The following FMN1 variants were observed in gnomAD, a reference collection of about 807,000 sequenced individuals.
FMN1 encodes formin 1.
A neutral mutation model predicts 132.4 loss-of-function variants in FMN1; 110 were observed. The observed-to-expected ratio is 0.83, with a 90% CI of 0.71 to 0.97. FMN1 has a LOEUF of 0.97. Ranked by LOEUF, FMN1 falls within the 50% of genes least tolerant of loss-of-function variation. FMN1 has a pLI of 0.00. For missense variants in FMN1, 1,792 were observed against 1,705.3 expected, an observed-to-expected ratio of 1.05 and a Z score of -0.90; for synonymous variants, 722 against 651.7, an observed-to-expected ratio of 1.11 and a Z score of -1.64.
chr15:33,034,316 G>A (rs552330805), intron 6 of FMN1, among the ~76,000 whole-genome samples: 3 of 152,164 alleles, frequency 2.0e-5, no homozygotes, highest in African/African-American at 7.2e-5. Context: ...ATACCCTGAC[G>A]TCCCAGCACT....
chr15:32,906,199 C>G (rs1013410280), intron 12 of FMN1, among the ~76,000 whole-genome samples: 16 of 152,158 alleles, frequency 1.1e-4, no homozygotes, highest in African/African-American at 3.4e-4. Context: ...TAGCTTAGAA[C>G]AAGGGCTGCT....
Position 32,865,853 on chromosome 15 carries a change from A to T in FMN1, c.3836-8746T>A, listed in dbSNP as rs200032537. On this transcript the variant is annotated intron_variant, in intron 16 of 20. Coordinates refer to ENST00000616417, the MANE Select transcript of FMN1 (RefSeq NM_001277313.2). ...CTCCACCTCAAAAAAAAAAAAAAAA[A>T]TAAAATAAAATAAAATACCTACTAA... Among the ~76,000 whole-genome samples the T allele has an allele frequency of 5.7e-3, 828 of 146,220 alleles. 17 individuals carry two copies. Among genetic ancestry groups the T allele is most frequent in the African/African-American group, 0.018 (716 of 39,294 alleles).
At chr15:32,780,764 C>T (rs1458352961) in intron 19 of FMN1, among the ~76,000 whole-genome samples, 2 of 152,054 alleles carry the variant, frequency 1.3e-5, no homozygotes, top group Admixed American at 6.6e-5. Context: ...TTTGGGTAAC[C>T]GGTGGGGTCC....
chr15:32,871,515 T>C (rs932011777), intron 16 of FMN1, among the ~76,000 whole-genome samples: 1 of 152,218 alleles, frequency 6.6e-6, no homozygotes, highest in South Asian at 2.1e-4. Flanking sequence ...TGTAGTTGGA[T>C]AGTGAAATCC....
At chr15:32,865,836 CAAAAAA>C (rs59592154) in intron 16 of FMN1, among the ~76,000 whole-genome samples, 1 of 107,140 alleles carries the variant, frequency 9.3e-6, no homozygotes, top group African/African-American at 3.0e-5. Flanking sequence ...AACTCCACCT[CAAAAAA>C]AAAAAAAAAA....
At position 33,067,158 on chromosome 15, in the gene FMN1, G is replaced by C. The variant is rs1310585898; in HGVS notation, c.2044-2084C>G. The C allele has an allele frequency of 4.3e-6, 7 of 1,613,932 alleles. No individual in the cohort carries two copies. In the South Asian group the frequency reaches 7.7e-5, roughly 18 times the overall value. On this transcript the variant is annotated intron_variant, in intron 5 of 20. Transcript: ENST00000616417. ...GAATTCTGGTTTGTTACTGCAGGTA[G>C]GTCTTGGGACCCTTCTTCTCCCACC...
intron 4 of FMN1, among the ~76,000 whole-genome samples, chr15:33,148,672 CCACG>C (rs141501578): frequency 0.042 from 6,344 of 152,232 alleles, 444 homozygotes; most frequent in African/African-American, 0.15. Flanking sequence ...GCTCCAGTGA[CCACG>C]CACGCCTTCC....
chr15:33,058,406 T>C (rs1264517842), intron 6 of FMN1, among the ~76,000 whole-genome samples: 2 of 152,192 alleles, frequency 1.3e-5, no homozygotes, highest in African/African-American at 2.4e-5. Context: ...AAATAACAAC[T>C]GTTAAAATAA....
intron 9 of FMN1, among the ~76,000 whole-genome samples, chr15:32,957,298 CTTTTTTTTTTT>C (rs869111673): frequency 1.1e-4 from 9 of 84,178 alleles, no homozygotes; most frequent in Non-Finnish European, 1.6e-4. Flanking sequence ...CAGAGCAGTT[CTTTTTTTTTTT>C]TTTTTTTTTT....
chr15:33,048,747 G>C (rs533769821), intron 6 of FMN1, among the ~76,000 whole-genome samples: 3 of 151,880 alleles, frequency 2.0e-5, no homozygotes, highest in African/African-American at 7.3e-5. Flanking sequence ...CATGGATGGC[G>C]GCAGGCAAAG....
chr15:33,132,003 C>G (rs1221579483), intron 4 of FMN1, among the ~76,000 whole-genome samples: 1 of 152,084 alleles, frequency 6.6e-6, no homozygotes, highest in Middle Eastern at 3.2e-3. Context: ...CCAGGAAGTG[C>G]CCCGAAATGA....
intron 7 of FMN1, among the ~76,000 whole-genome samples, chr15:32,969,798 A>G (rs2031626889): frequency 1.3e-5 from 2 of 152,302 alleles, no homozygotes; most frequent in South Asian, 4.1e-4. Flanking sequence ...AACTTTTAAT[A>G]AAGTTTTGGA....
At chr15:32,802,357 C>T (rs1201057559) in intron 18 of FMN1, among the ~76,000 whole-genome samples, 1 of 152,232 alleles carries the variant, frequency 6.6e-6, no homozygotes, top group Non-Finnish European at 1.5e-5. Context: ...TATTGTCTTA[C>T]ATGCATGCCT....
intron 3 of FMN1, among the ~76,000 whole-genome samples, chr15:33,161,149 C>T (rs1033718988): frequency 2.0e-5 from 3 of 152,236 alleles, no homozygotes; most frequent in Admixed American, 1.3e-4. Context: ...GAGCCCAACA[C>T]GGCTAAGACA....
chr15:32,835,538 C>CA (rs1486681177), intron 17 of FMN1, among the ~76,000 whole-genome samples: 1 of 152,108 alleles, frequency 6.6e-6, no homozygotes, highest in South Asian at 2.1e-4. Flanking sequence ...GTTGCAACCT[C>CA]AAAAACTTGG....
At chr15:33,192,158 G>T (rs990469883) in intron 2 of FMN1, among the ~76,000 whole-genome samples, 1 of 152,196 alleles carries the variant, frequency 6.6e-6, no homozygotes, top group African/African-American at 2.4e-5. Flanking sequence ...ACCACAGCTT[G>T]GGATGGTGTG....
intron 6 of FMN1, among the ~76,000 whole-genome samples, chr15:33,030,584 A>G (rs2035889946): frequency 6.6e-6 from 1 of 152,202 alleles, no homozygotes; most frequent in South Asian, 2.1e-4. Flanking sequence ...ACTAAAATAG[A>G]ATTTTATATT....
chr15:32,868,410 T>C (rs994432624), intron 16 of FMN1, among the ~76,000 whole-genome samples: 4 of 152,218 alleles, frequency 2.6e-5, no homozygotes, highest in Non-Finnish European at 4.4e-5. Flanking sequence ...TGCAGATTTG[T>C]AGCGTAGACG....
chr15:33,021,366 A>C (rs921426101), intron 6 of FMN1, among the ~76,000 whole-genome samples: 3 of 150,910 alleles, frequency 2.0e-5, no homozygotes, highest in Admixed American at 1.3e-4. Context: ...AGTCAAGTTA[A>C]CAATTTAGAG....
Sources: gnomAD v4.1 joint callset for allele counts (sites outside exome capture counted in the v4.1 genomes callset) on GRCh38, gnomAD v4.1.1 for gene constraint, MANE v1.5 for transcripts, NCBI Gene and HGNC (gene_info 2026-07-23, HGNC 2026-07-21) for gene names.